The following LIPA variants were observed in gnomAD, a reference collection of about 807,000 sequenced individuals.
LIPA encodes the protein lysosomal acid lipase/cholesteryl ester hydrolase.
A neutral mutation model predicts 40.6 loss-of-function variants in LIPA; 26 were observed. The ratio of observed to expected loss-of-function variants is 0.64; its 90% CI spans 0.47 to 0.89. The LOEUF (loss-of-function observed/expected upper bound fraction) is 0.89, where lower values mean the gene tolerates loss of function less well. LIPA is among the 40% of genes least tolerant of loss of function. The pLI, the probability that LIPA is intolerant of heterozygous loss-of-function variation, is 0.00. For synonymous variants in LIPA, 188 were observed against 168.4 expected (o/e 1.12, Z -0.90); for missense variants, 455 against 479.6 (o/e 0.95, Z 0.48).
intron 5 of LIPA, 94 bp downstream of exon 5, chr10:89,226,801 T>C (rs1842775112): frequency 1.3e-6 from 1 of 761,256 alleles, no homozygotes; most frequent in South Asian, 1.5e-5. Context: ...AAATGGAATT[T>C]GAACTAACAT....
chr10:89,228,773 A>C (rs7094730), intron 3 of LIPA, among the ~76,000 whole-genome samples: 102,154 of 152,100 alleles, frequency 0.67, 35,730 homozygotes, highest in African/African-American at 0.88. Context: ...CAAAATAAAC[A>C]AAAGGAAAGA....
At chr10:89,354,890 G>A (rs965983622) in intron 2 of LIPA, among the ~76,000 whole-genome samples, 2 of 152,116 alleles carry the variant, frequency 1.3e-5, no homozygotes, top group African/African-American at 4.8e-5. Flanking sequence ...TTCAAAGTGT[G>A]GAGGTGGCTA....
chr10:89,316,292 G>A (rs920678328), intron 1 of LIPA, among the ~76,000 whole-genome samples: 8 of 152,218 alleles, frequency 5.3e-5, no homozygotes, highest in South Asian at 2.1e-4. Flanking sequence ...GGAAGTGCAA[G>A]GAGTCAGGGA....
At chr10:89,389,807 G>A (rs1844232724) in intron 2 of LIPA, among the ~76,000 whole-genome samples, 1 of 152,138 alleles carries the variant, frequency 6.6e-6, no homozygotes, top group Middle Eastern at 3.4e-3. Context: ...GCATTGAGTC[G>A]TAAAATACTG....
At position 89,278,390 on chromosome 10, in the gene LIPA, T is replaced by C. The variant is rs542250047; in HGVS notation, c.-1-30741A>G. The C allele has an allele frequency of 5.9e-5, 9 of 152,360 alleles. No individual in the cohort carries two copies. In the East Asian group the frequency reaches 9.6e-4, roughly 16 times the overall value. 9.4% of individuals were successfully genotyped at this position (152,360 alleles called of 1,614,324 possible). A position where few individuals can be genotyped will look rare whatever the true frequency, so the allele number is the denominator to read the frequency against. ...GGAGGTAATTCTCTCTGCTTTAGTG[T>C]AGCAGGAAGGTGTGGAGAAGGGTCC... On this transcript the variant is annotated intron_variant, in intron 1 of 5. Transcript: ENST00000282673.
chr10:89,248,438 TTTTATATTTATTTATTTATTTA>T (rs1473752978), intron 1 of LIPA, among the ~76,000 whole-genome samples: 1 of 45,018 alleles, frequency 2.2e-5, no homozygotes, highest in African/African-American at 1.2e-4. Context: ...ATTATTATTA[TTTTATATTTATTTATTTATTTA>T]TTTATTTATT....
intron 1 of LIPA, among the ~76,000 whole-genome samples, chr10:89,265,809 C>T (rs1843232867): frequency 1.3e-5 from 2 of 152,164 alleles, no homozygotes; most frequent in African/African-American, 2.4e-5. Flanking sequence ...ATGAGAGAGA[C>T]CTCAACATGA....
At chr10:89,374,338 C>T (rs2133598951) in intron 2 of LIPA, among the ~76,000 whole-genome samples, 1 of 150,548 alleles carries the variant, frequency 6.6e-6, no homozygotes, top group Admixed American at 6.5e-5. Context: ...CACAGACACA[C>T]ACACACTCTC....
chr10:89,216,815 T>G (rs1260200222), intron 8 of LIPA, among the ~76,000 whole-genome samples: 1 of 152,188 alleles, frequency 6.6e-6, no homozygotes, highest in African/African-American at 2.4e-5. Context: ...TATTTTCTAT[T>G]TACCCATTCT....
intron 2 of LIPA, among the ~76,000 whole-genome samples, chr10:89,372,508 G>T (rs141547150): frequency 6.6e-6 from 1 of 152,160 alleles, no homozygotes; most frequent in Non-Finnish European, 1.5e-5. Context: ...CAAATTAAGC[G>T]CTTATCAATC....
At chr10:89,270,944 G>A (rs530954636) in intron 1 of LIPA, among the ~76,000 whole-genome samples, 2 of 152,284 alleles carry the variant, frequency 1.3e-5, no homozygotes, top group African/African-American at 2.4e-5. Context: ...AATGTTTAAC[G>A]ATGGCCCAAG....
intron 1 of LIPA, among the ~76,000 whole-genome samples, chr10:89,257,065 A>T (rs1364423526): frequency 6.6e-6 from 1 of 152,266 alleles, no homozygotes; most frequent in African/African-American, 2.4e-5. Flanking sequence ...GAAAGAATAA[A>T]TAAGTTGTTT....
intron 3 of LIPA, among the ~76,000 whole-genome samples, chr10:89,237,406 A>G (rs956689067): frequency 6.6e-6 from 1 of 152,198 alleles, no homozygotes; most frequent in Non-Finnish European, 1.5e-5. Flanking sequence ...AGGAAAATGT[A>G]TCTGCCTGAA....
chr10:89,384,241 C>T (rs761288009), intron 2 of LIPA: 1 of 1,614,138 alleles, frequency 6.2e-7, no homozygotes, highest in Non-Finnish European at 8.5e-7. Context: ...AAACTGGCAG[C>T]CTAGAGGGCA....
In LIPA at chr10:89,339,160, A is replaced by G. The variant is rs769648343; in HGVS notation, c.-2+3451T>C. On this transcript the variant is annotated intron_variant, in intron 1 of 5. Coordinates refer to the LIPA transcript ENST00000282673. ...GAAGGCTCTGGAAGAAAAGCCCAACAACCCAGAATTCTCCTCTGGACTGGC... is the reference window on the plus strand; with the variant it reads ...GAAGGCTCTGGAAGAAAAGCCCAACGACCCAGAATTCTCCTCTGGACTGGC... 3.1e-6 allele frequency: 5 copies of G among 1,614,036 alleles called. No individual in the cohort carries two copies. In the South Asian group the frequency reaches 5.5e-5, roughly 18 times the overall value.
chr10:89,411,244 C>T (rs540974231), intron 2 of LIPA, among the ~76,000 whole-genome samples: 194 of 152,232 alleles, frequency 1.3e-3, no homozygotes, highest in Non-Finnish European at 1.7e-3. Flanking sequence ...AGGAGGAACT[C>T]CCTTCAGGAC....
intron 1 of LIPA, chr10:89,306,557 G>T: frequency 6.2e-7 from 1 of 1,614,118 alleles, no homozygotes; most frequent in Non-Finnish European, 8.5e-7. Flanking sequence ...TCTGAGGCAA[G>T]CCATTCGGCT....
intron 1 of LIPA, among the ~76,000 whole-genome samples, chr10:89,318,346 G>T (rs188322790): frequency 1.3e-5 from 2 of 152,188 alleles, no homozygotes; most frequent in Admixed American, 1.3e-4. Flanking sequence ...ACACACATAG[G>T]CTAAAAATAA....
At chr10:89,407,597 A>G (rs542050637) in intron 2 of LIPA, among the ~76,000 whole-genome samples, 1 of 152,350 alleles carries the variant, frequency 6.6e-6, no homozygotes, top group East Asian at 1.9e-4. Flanking sequence ...ATAAATGAAG[A>G]CAAAAGGCAT....
Sources: allele counts gnomAD v4.1 joint callset (sites outside exome capture counted in the v4.1 genomes callset), GRCh38; gene constraint gnomAD v4.1.1; transcripts MANE v1.5; gene names NCBI Gene and HGNC (gene_info 2026-07-23, HGNC 2026-07-21).